IDO2: variants seen among roughly 807,000 people sequenced by gnomAD.
The protein encoded by IDO2 is indoleamine 2,3-dioxygenase 2.
Under a neutral mutation model 45.1 loss-of-function variants are expected in IDO2, and 46 were observed. That is an observed-to-expected ratio of 1.02 (90% CI 0.80 to 1.30). The LOEUF (loss-of-function observed/expected upper bound fraction) is 1.30. Ranked by LOEUF, IDO2 falls within the 50% of genes most tolerant of loss-of-function variation. IDO2 has a pLI of 0.00. For missense variants in IDO2, 544 were observed against 491.8 expected (o/e 1.11, Z -1.00); for synonymous variants, 218 against 184.9 (o/e 1.18, Z -1.45).
chr8:39,976,100 C>G (rs1472310550), intron 3 of IDO2, among the ~76,000 whole-genome samples: 1 of 152,118 alleles, frequency 6.6e-6, no homozygotes, highest in Admixed American at 6.6e-5. Context: ...CTGCCTCTGC[C>G]TCCCAAGTAG....
chr8:40,006,563 C>T (rs532546438), intron 9 of IDO2, among the ~76,000 whole-genome samples: 2 of 152,250 alleles, frequency 1.3e-5, no homozygotes, highest in East Asian at 3.9e-4. Context: ...AAACACTACC[C>T]CAAACCATTT....
At chr8:39,977,289 A>T (rs1287591238) in intron 3 of IDO2, among the ~76,000 whole-genome samples, 3 of 152,262 alleles carry the variant, frequency 2.0e-5, no homozygotes, top group African/African-American at 7.2e-5. Context: ...AATGCCAATG[A>T]AAACAATGAA....
Position 39,953,502 on chromosome 8 carries a change from G to A in IDO2, c.99+4238G>A, listed in dbSNP as rs942807232. ...CACTTTTATATCATCTCCAGTTAAT[G>A]AGTCCCATAAATTGAAATCTAGTGT... On this transcript the variant is annotated intron_variant, in intron 2 of 10. Transcript: ENST00000502986. Among the ~76,000 whole-genome samples, 6 of 152,244 alleles carry A rather than the reference G, an allele frequency of 3.9e-5. No homozygotes were observed. In the East Asian group the frequency reaches 7.7e-4, roughly 20 times the overall value.
intron 3 of IDO2, among the ~76,000 whole-genome samples, chr8:39,966,026 CTTTTTT>C (rs59731560): frequency 1.0e-5 from 1 of 96,508 alleles, no homozygotes; most frequent in African/African-American, 3.6e-5. Context: ...TCTATCGCTT[CTTTTTT>C]TTTTTTTTTT....
intron 6 of IDO2, chr8:39,987,656 C>T: frequency 2.0e-6 from 1 of 503,580 alleles, no homozygotes; most frequent in Non-Finnish European, 3.6e-6. Flanking sequence ...TGGGAGGCTG[C>T]CTGTCAGGTG....
intron 8 of IDO2, among the ~76,000 whole-genome samples, chr8:39,999,567 C>G (rs1352894529): frequency 1.3e-5 from 2 of 151,990 alleles, no homozygotes; most frequent in South Asian, 2.1e-4. Flanking sequence ...GCCTGAGCCA[C>G]CACGCCTGGC....
chr8:39,949,200 T>C, exon 2 of IDO2: 1 of 1,608,286 alleles, frequency 6.2e-7, no homozygotes, highest in Non-Finnish European at 8.5e-7. Context: ...AAGACAGCAG[T>C]GCCATTGTCT....
At chr8:39,947,346 A>G (rs1426974249) in intron 1 of IDO2, among the ~76,000 whole-genome samples, 7 of 152,316 alleles carry the variant, frequency 4.6e-5, no homozygotes, top group Non-Finnish European at 8.8e-5. Context: ...TAACATTCTT[A>G]AATATCTGCT....
At chr8:39,985,634 A>G in intron 6 of IDO2, 112 bp downstream of exon 6, 2 of 854,948 alleles carry the variant, frequency 2.3e-6, no homozygotes, top group East Asian at 2.7e-5. Flanking sequence ...AATATCAACC[A>G]TATAAAATGC....
intron 8 of IDO2, among the ~76,000 whole-genome samples, chr8:39,994,084 G>T (rs1350808496): frequency 6.6e-6 from 1 of 152,094 alleles, no homozygotes; most frequent in Non-Finnish European, 1.5e-5. Flanking sequence ...TGCATAATAT[G>T]AGTGCATTTT....
intron 9 of IDO2, among the ~76,000 whole-genome samples, chr8:40,006,806 G>T (rs556235350): frequency 2.0e-5 from 3 of 152,100 alleles, no homozygotes; most frequent in East Asian, 1.9e-4. Flanking sequence ...GATTACAGGT[G>T]GCTGCCACCA....
chr8:39,935,193 A>G (rs1305984317), exon 1 of IDO2: 1 of 1,613,516 alleles, frequency 6.2e-7, no homozygotes, highest in Non-Finnish European at 8.5e-7. Context: ...AGGCCACCAC[A>G]AGAATGTTGC....
intron 9 of IDO2, among the ~76,000 whole-genome samples, chr8:40,011,267 A>T (rs1446899547): frequency 6.6e-6 from 1 of 152,182 alleles, no homozygotes. Flanking sequence ...GGGAATTGAG[A>T]GCAGTGAGCA....
At chr8:40,004,525 T>TGATAGATAGATA (rs201569450) in intron 8 of IDO2, among the ~76,000 whole-genome samples, 7,843 of 144,420 alleles carry the variant, frequency 0.054, 265 homozygotes, top group East Asian at 0.1. Flanking sequence ...GACAGACAGA[T>TGATAGATAGATA]GATAGATAGA....
intron 2 of IDO2, among the ~76,000 whole-genome samples, chr8:39,950,076 T>C (rs1807790813): frequency 6.6e-6 from 1 of 152,192 alleles, no homozygotes; most frequent in Admixed American, 6.5e-5. Context: ...CCCCTCTTTC[T>C]ACATCTGAGC....
intron 8 of IDO2, among the ~76,000 whole-genome samples, chr8:40,000,199 G>A (rs985468918): frequency 4.6e-5 from 7 of 152,104 alleles, no homozygotes; most frequent in Non-Finnish European, 1.0e-4. Context: ...GGATCATGAG[G>A]TCAAGAGATT....
intron 5 of IDO2, chr8:39,984,883 G>A (rs1345605462): frequency 2.3e-6 from 1 of 432,424 alleles, no homozygotes; most frequent in Admixed American, 2.7e-5. Context: ...AATAAAATGT[G>A]GGGTTGTGGT....
At chr8:39,983,453 T>G (rs753022460) in intron 5 of IDO2, among the ~76,000 whole-genome samples, 3 of 152,208 alleles carry the variant, frequency 2.0e-5, no homozygotes, top group Non-Finnish European at 4.4e-5. Flanking sequence ...CAGCTGAAGA[T>G]TCACTGAGGT....
At chr8:39,940,805 C>T (rs1807630854) in intron 1 of IDO2, among the ~76,000 whole-genome samples, 3 of 151,578 alleles carry the variant, frequency 2.0e-5, no homozygotes, top group Admixed American at 1.3e-4. Context: ...GAAATGATCA[C>T]TGTTTCGGTG....
Sources: gnomAD v4.1 joint callset for allele counts (sites outside exome capture counted in the v4.1 genomes callset) on GRCh38, gnomAD v4.1.1 for gene constraint, MANE v1.5 for transcripts, NCBI Gene and HGNC (gene_info 2026-07-23, HGNC 2026-07-21) for gene names.